The following CTNNA2 variants were observed in gnomAD, a reference collection of about 807,000 sequenced individuals.
CTNNA2 encodes the protein catenin alpha-2.
Under a neutral mutation model 101.0 loss-of-function variants are expected in CTNNA2, and 42 were observed. The ratio of observed to expected loss-of-function variants is 0.42; its 90% CI spans 0.32 to 0.54. The LOEUF is 0.54. CTNNA2 is among the 20% of genes least tolerant of loss of function. The pLI is 0.14. For synonymous variants in CTNNA2, 450 were observed against 456.4 expected, an observed-to-expected ratio of 0.99 and a Z score of 0.18; for missense variants, 871 against 1,223.1, an observed-to-expected ratio of 0.71 and a Z score of 4.29.
At chr2:80,162,175 T>G (rs1704365318) in intron 7 of CTNNA2, among the ~76,000 whole-genome samples, 1 of 152,178 alleles carries the variant, frequency 6.6e-6, no homozygotes, top group African/African-American at 2.4e-5. Context: ...TCATACAACT[T>G]CACCCCCTCC....
intron 7 of CTNNA2, among the ~76,000 whole-genome samples, chr2:79,957,926 G>A (rs1167901279): frequency 4.6e-5 from 7 of 152,138 alleles, no homozygotes; most frequent in Non-Finnish European, 7.4e-5. Context: ...GGGATTAAAT[G>A]TAATCATTGA....
intron 7 of CTNNA2, among the ~76,000 whole-genome samples, chr2:80,055,938 A>C (rs1262679283): frequency 2.0e-5 from 3 of 152,214 alleles, no homozygotes; most frequent in Non-Finnish European, 4.4e-5. Context: ...GTACAGGTGC[A>C]GATTTAAGTT....
intron 7 of CTNNA2, among the ~76,000 whole-genome samples, chr2:80,278,037 A>G (rs1674064204): frequency 6.6e-6 from 1 of 152,128 alleles, no homozygotes; most frequent in African/African-American, 2.4e-5. Flanking sequence ...GTTTTGTGAC[A>G]TCAGAGAGAT....
At chr2:79,823,374 C>T (rs966111446) in intron 3 of CTNNA2, among the ~76,000 whole-genome samples, 1 of 152,102 alleles carries the variant, frequency 6.6e-6, no homozygotes, top group Admixed American at 6.5e-5. Context: ...GAACCATAAT[C>T]GTGCATGGTA....
chr2:79,874,220 T>G lies in CTNNA2; in HGVS notation c.730T>G (p.Phe244Val). 6.2e-7 allele frequency: 1 copy of G among 1,614,040 alleles called. No individual in the cohort carries two copies. Among genetic ancestry groups the G allele is most frequent in the Non-Finnish European group, 8.5e-7 (1 of 1,180,030 alleles). Residue 244 changes from phenylalanine to valine, a missense_variant, in exon 6 of 19, where the codon TTC becomes GTC. Transcript: ENST00000402739. ...AATRANRDYV[F>V]KQVQEAIAGI... ...TACGAGAGCCAACCGAGATTATGTGTTCAAACAAGTCCAGGAGGCCATCGC... is the reference window on the plus strand; with the variant it reads ...TACGAGAGCCAACCGAGATTATGTGGTCAAACAAGTCCAGGAGGCCATCGC...
At chr2:79,754,819 G>C (rs1214036526) in intron 3 of CTNNA2, among the ~76,000 whole-genome samples, 1 of 152,032 alleles carries the variant, frequency 6.6e-6, no homozygotes, top group East Asian at 1.9e-4. Context: ...TGGTCTTAGG[G>C]TAAGATTTCA....
chr2:80,409,811 A>C (rs1679405273), intron 8 of CTNNA2, among the ~76,000 whole-genome samples: 1 of 152,198 alleles, frequency 6.6e-6, no homozygotes, highest in South Asian at 2.1e-4. Flanking sequence ...AAAAATCCTG[A>C]CTAAAACTGT....
At chr2:79,321,841 A>T (rs1401981360) in intron 3 of CTNNA2, among the ~76,000 whole-genome samples, 1 of 152,058 alleles carries the variant, frequency 6.6e-6, no homozygotes, top group Non-Finnish European at 1.5e-5. Flanking sequence ...GCACATATAC[A>T]CAAACACACA....
chr2:79,868,837 T>G (rs1485025824), intron 4 of CTNNA2, among the ~76,000 whole-genome samples: 3 of 152,226 alleles, frequency 2.0e-5, no homozygotes, highest in Admixed American at 1.3e-4. Flanking sequence ...CATGTCTGTC[T>G]TGTGCTTTAT....
intron 7 of CTNNA2, among the ~76,000 whole-genome samples, chr2:79,962,896 C>G (rs1430810573): frequency 1.3e-5 from 2 of 151,882 alleles, no homozygotes; most frequent in African/African-American, 4.8e-5. Context: ...ATGGTGAAAC[C>G]CCGTCTCTAC....
intron 7 of CTNNA2, among the ~76,000 whole-genome samples, chr2:80,092,417 T>A (rs934032305): frequency 2.6e-5 from 4 of 152,152 alleles, no homozygotes; most frequent in African/African-American, 9.6e-5. Context: ...TCCTTCCCTG[T>A]ATCTTGAAGC....
At chr2:80,123,044 C>T (rs1558829632) in intron 7 of CTNNA2, among the ~76,000 whole-genome samples, 1 of 152,168 alleles carries the variant, frequency 6.6e-6, no homozygotes, top group South Asian at 2.1e-4. Context: ...GGTCCCACCA[C>T]CTCCTTTCCT....
chr2:80,354,269 G>C (rs1425317155), intron 7 of CTNNA2, among the ~76,000 whole-genome samples: 1 of 152,140 alleles, frequency 6.6e-6, no homozygotes, highest in African/African-American at 2.4e-5. Flanking sequence ...CTAGAAGGAA[G>C]TGTACATGTA....
chr2:79,768,481 G>T (rs987148456), intron 3 of CTNNA2, among the ~76,000 whole-genome samples: 1 of 151,632 alleles, frequency 6.6e-6, no homozygotes. Context: ...TGGCAGGGGT[G>T]ATCGGTGGAG....
At chr2:79,434,775 G>T (rs1678695824) in intron 4 of CTNNA2, among the ~76,000 whole-genome samples, 1 of 152,172 alleles carries the variant, frequency 6.6e-6, no homozygotes, top group Admixed American at 6.5e-5. Context: ...GAGAAACAGG[G>T]ACAGTGGTGC....
intron 1 of CTNNA2, among the ~76,000 whole-genome samples, chr2:79,635,543 G>T (rs1679972473): frequency 6.6e-6 from 1 of 151,068 alleles, no homozygotes; most frequent in Admixed American, 6.6e-5. Context: ...CACTCTTGTC[G>T]CCCAGACTGG....
At chr2:80,391,433 G>T (rs568491889) in intron 7 of CTNNA2, among the ~76,000 whole-genome samples, 1 of 152,056 alleles carries the variant, frequency 6.6e-6, no homozygotes, top group Non-Finnish European at 1.5e-5. Context: ...TTTAGTAATC[G>T]ATCCTCCATC....
At chr2:79,250,392 T>C (rs1674755168) in intron 2 of CTNNA2, among the ~76,000 whole-genome samples, 1 of 152,184 alleles carries the variant, frequency 6.6e-6, no homozygotes. Context: ...TGCAGACTCA[T>C]AACTATACTG....
At chr2:79,465,393 G>A (rs1670921915) in intron 4 of CTNNA2, among the ~76,000 whole-genome samples, 1 of 152,188 alleles carries the variant, frequency 6.6e-6, no homozygotes, top group Admixed American at 6.5e-5. Flanking sequence ...TAGCCTTGTA[G>A]TATAGTTTGA....
Sources: allele counts gnomAD v4.1 joint callset (sites outside exome capture counted in the v4.1 genomes callset), GRCh38; gene constraint gnomAD v4.1.1; transcripts MANE v1.5; gene names NCBI Gene and HGNC (gene_info 2026-07-23, HGNC 2026-07-21).